Variants in KCNT1 observed in about 807,000 individuals in gnomAD.
The protein encoded by KCNT1 is potassium sodium-activated channel subfamily T member 1, also known as potassium channel subfamily T member 1.
KCNT1 carries 78 observed loss-of-function variants against 147.8 expected under a neutral mutation model. The ratio of observed to expected loss-of-function variants is 0.53; its 90% CI spans 0.44 to 0.64. The LOEUF (loss-of-function observed/expected upper bound fraction) is 0.64. Among genes scored for constraint, KCNT1 ranks in the 30% least tolerant of loss-of-function variants. The probability of loss-of-function intolerance (pLI) is 0.00; values close to 1 mark genes in which losing one functional copy is unlikely to be tolerated. For missense variants in KCNT1, 1,419 were observed against 1,750.3 expected (o/e 0.81, Z 3.38); for synonymous variants, 867 against 748.8 (o/e 1.16, Z -2.58).
intron 15 of KCNT1, among the ~76,000 whole-genome samples, chr9:135,769,294 G>A (rs1203793677): frequency 2.0e-5 from 3 of 150,818 alleles, no homozygotes; most frequent in Non-Finnish European, 4.4e-5. Context: ...TGCGTCTGGG[G>A]CAGGGCGCGT....
chr9:135,787,238 C>T (rs1186096891), intron 29 of KCNT1, among the ~76,000 whole-genome samples: 1 of 152,212 alleles, frequency 6.6e-6, no homozygotes, highest in Admixed American at 6.5e-5. Context: ...GTGCAGCCCC[C>T]TCTCTCTGCG....
chr9:135,736,131 G>A (rs1347784043), intron 2 of KCNT1, among the ~76,000 whole-genome samples: 1 of 152,168 alleles, frequency 6.6e-6, no homozygotes, highest in Non-Finnish European at 1.5e-5. Flanking sequence ...GGACCCTGGT[G>A]AGGACAGGCA....
Position 135,768,605 on chromosome 9 carries a change from T to C in KCNT1, c.1338-5T>C. On this transcript the variant is annotated splice_polypyrimidine_tract_variant and splice_region_variant and intron_variant, in intron 13 of 30. Coordinates refer to ENST00000371757, the MANE Select transcript of KCNT1 (RefSeq NM_020822.3). ...CACCCACGCTCAGGCCCTGGTGCAT[T>C]GCAGGATGGACAATGGGGAGGCCTG... 3 of 1,550,172 alleles carry C rather than the reference T, an allele frequency of 1.9e-6. No individual in the cohort carries two copies. Among genetic ancestry groups the C allele is most frequent in the Non-Finnish European group, 2.6e-6 (3 of 1,146,642 alleles).
Position 135,788,057 on chromosome 9 carries a change from C to T in KCNT1, c.3502+1536C>T, listed in dbSNP as rs375174788. On this transcript the variant is annotated intron_variant, in intron 29 of 30. Transcript: ENST00000371757. ...CGCACCTCGCTTGCTGATATTCTCT[C>T]TCTCTCTCTTTCTGTCTGTGCCTCT... 7.4e-4 allele frequency: 1,084 copies of T among 1,474,082 alleles called. 4 individuals carry two copies. The African/African-American group carries it at 0.013, about 18-fold the overall frequency. 91.3% of individuals were successfully genotyped at this position (1,474,082 alleles called of 1,614,324 possible). A position where few individuals can be genotyped will look rare whatever the true frequency, so the allele number is the denominator to read the frequency against.
rs2131607600 is a variant in KCNT1, at chr9:135,792,387, C to T, written c.*226C>T. 4.1e-6 allele frequency: 2 copies of T among 488,084 alleles called. No individual in the cohort carries two copies. 30.2% of individuals were successfully genotyped at this position (488,084 alleles called of 1,614,324 possible). A position where few individuals can be genotyped will look rare whatever the true frequency, so the allele number is the denominator to read the frequency against. ...AGGAGAGTTTTTTAACCTATTTTTA[C>T]ACGTCGATGCAGTCCACTTCTCTTT... On this transcript the variant is annotated 3_prime_UTR_variant, in exon 31 of 31. Coordinates refer to ENST00000371757, the MANE Select transcript of KCNT1 (RefSeq NM_020822.3).
At chr9:135,784,271 C>A in intron 25 of KCNT1, 146 bp downstream of exon 25, 1 of 719,494 alleles carries the variant, frequency 1.4e-6, no homozygotes, top group Non-Finnish European at 2.3e-6. Flanking sequence ...TGGGCCCTGT[C>A]CTTGCCCCAG....
At chr9:135,774,116 CGTGTG>C (rs1832945565) in intron 19 of KCNT1, among the ~76,000 whole-genome samples, 1 of 147,604 alleles carries the variant, frequency 6.8e-6, no homozygotes. Context: ...GTGTTTGTCA[CGTGTG>C]GTGTGTGTTG....
chr9:135,775,310 G>A lies in KCNT1; in HGVS notation c.2244G>A (p.Glu748=), dbSNP rs1333549995. 8 of 1,604,004 alleles carry A rather than the reference G, an allele frequency of 5.0e-6. No individual in the cohort carries two copies. The Middle Eastern group carries it at 6.6e-4, about 133-fold the overall frequency. The change falls in exon 20 of 31, where the codon GAG becomes GAA. Residue 748 remains glutamate (E), a splice_region_variant and synonymous_variant. Transcript: ENST00000371757. ...TGAGGGCTCCTGTCTCCTGCCCCAG[G>A]TATGTGAAGGGCTACCCTCCCAACT... ...PSDDEGLSVV[E]YVKGYPPNSP... is the part of the protein sequence containing the mutation.
chr9:135,704,001 C>T (rs1835145827), intron 1 of KCNT1, among the ~76,000 whole-genome samples: 4 of 152,270 alleles, frequency 2.6e-5, no homozygotes, highest in African/African-American at 9.6e-5. Flanking sequence ...GGGGAGGGAG[C>T]AGGACCTGGG....
rs752848680 is a variant in KCNT1 at position 135,759,712 on chromosome 9, C to T, written c.888C>T (p.Gly296=). 6.8e-6 allele frequency: 11 copies of T among 1,612,446 alleles called. No individual in the cohort carries two copies. Among genetic ancestry groups the T allele is most frequent in the East Asian group, 2.2e-5 (1 of 44,856 alleles). ...TCGIQHLERA[G]ENLSLLTSFY... ...GCATCCAGCACCTGGAGCGGGCGGG[C>T]GAGAACCTGTCCCTCCTGACCTCCT... is the stretch of plus-strand genomic sequence containing the variant. Residue 296 remains glycine, a synonymous_variant, in exon 11 of 31, where the codon GGC becomes GGT. Transcript: ENST00000371757.
intron 11 of KCNT1, among the ~76,000 whole-genome samples, chr9:135,763,272 GC>G (rs1407075779): frequency 6.6e-6 from 1 of 152,262 alleles, no homozygotes; most frequent in East Asian, 1.9e-4. Context: ...CCTCTCACTG[GC>G]GATGGTAAGG....
At chr9:135,703,283 C>A (rs1441353834) in intron 1 of KCNT1, 1 of 152,482 alleles carries the variant, frequency 6.6e-6, no homozygotes, top group African/African-American at 2.4e-5. Context: ...CTCAGGCTGT[C>A]CTGAGGCCAG....
chr9:135,709,358 G>A (rs112568582), intron 1 of KCNT1, among the ~76,000 whole-genome samples: 1 of 152,198 alleles, frequency 6.6e-6, no homozygotes, highest in African/African-American at 2.4e-5. Flanking sequence ...CGTGCAGGCT[G>A]TTTTCAGTGT....
At chr9:135,776,395 A>C (rs1833173304) in intron 20 of KCNT1, among the ~76,000 whole-genome samples, 1 of 151,860 alleles carries the variant, frequency 6.6e-6, no homozygotes, top group Non-Finnish European at 1.5e-5. Flanking sequence ...GTGGCTGGGA[A>C]CACAGGCACG....
chr9:135,744,995 G>C (rs1830749261), intron 2 of KCNT1, among the ~76,000 whole-genome samples: 1 of 152,196 alleles, frequency 6.6e-6, no homozygotes, highest in Non-Finnish European at 1.5e-5. Flanking sequence ...CGAGTGTGTG[G>C]CTGCGCCCTG....
chr9:135,750,989 C>T lies in KCNT1; in HGVS notation c.382C>T (p.Leu128=), dbSNP rs1831128466. Reference sequence around the variant, plus strand: ...CTTCTCCCTGAAGCTGCTCACCTGCCTGCTCTACATTGTGCGCGTCCTGCT... The same window carrying T: ...CTTCTCCCTGAAGCTGCTCACCTGCTTGCTCTACATTGTGCGCGTCCTGCT... The part of the protein sequence containing the change: ...FNFSLKLLTC[L]LYIVRVLLDD... Residue 128 remains leucine (L), a synonymous_variant, in exon 4 of 31, where the codon CTG becomes TTG. Coordinates refer to ENST00000371757, the MANE Select transcript of KCNT1 (RefSeq NM_020822.3). The T allele has an allele frequency of 3.1e-6, 5 of 1,613,306 alleles. No homozygotes were observed. Among genetic ancestry groups the T allele is most frequent in the South Asian group, 1.1e-5 (1 of 91,088 alleles).
intron 2 of KCNT1, among the ~76,000 whole-genome samples, chr9:135,723,397 T>C (rs1372383178): frequency 6.6e-6 from 1 of 152,236 alleles, no homozygotes; most frequent in Non-Finnish European, 1.5e-5. Context: ...GCCACCTGCA[T>C]GAACAGGGCC....
At chr9:135,706,956 T>C (rs1835280602) in intron 1 of KCNT1, among the ~76,000 whole-genome samples, 1 of 151,606 alleles carries the variant, frequency 6.6e-6, no homozygotes, top group Admixed American at 6.6e-5. Context: ...TCATTGGTGC[T>C]GAGGAAATGA....
intron 24 of KCNT1, among the ~76,000 whole-genome samples, chr9:135,782,127 C>A (rs1180216312): frequency 6.6e-6 from 1 of 152,166 alleles, no homozygotes; most frequent in African/African-American, 2.4e-5. Context: ...TTGTTTGAAC[C>A]CGGGATGCAG....
Sources: gnomAD v4.1 joint callset for allele counts (sites outside exome capture counted in the v4.1 genomes callset) on GRCh38, gnomAD v4.1.1 for gene constraint, MANE v1.5 for transcripts, NCBI Gene and HGNC (gene_info 2026-07-23, HGNC 2026-07-21) for gene names.